Variants in TCERG1L observed in about 807,000 individuals in gnomAD.
The protein encoded by TCERG1L is transcription elongation regulator 1-like protein.
In TCERG1L, 37 loss-of-function variants were observed where a neutral mutation model predicts 56.3. The ratio of observed to expected loss-of-function variants is 0.66; its 90% CI spans 0.51 to 0.87. The LOEUF is 0.87. Ranked by LOEUF, TCERG1L falls within the 40% of genes least tolerant of loss-of-function variation. The pLI is 0.00. For missense variants in TCERG1L, 799 were observed against 774.2 expected (o/e 1.03, Z -0.38); for synonymous variants, 324 against 326.3 (o/e 0.99, Z 0.08).
chr10:131,157,662 C>T (rs1393414103), intron 6 of TCERG1L, among the ~76,000 whole-genome samples: 2 of 151,966 alleles, frequency 1.3e-5, no homozygotes, highest in East Asian at 3.9e-4. Context: ...TGTTAACATG[C>T]CTAAAAGTTT....
At chr10:131,224,795 G>C (rs1186414866) in intron 4 of TCERG1L, among the ~76,000 whole-genome samples, 1 of 148,586 alleles carries the variant, frequency 6.7e-6, no homozygotes, top group African/African-American at 2.5e-5. Flanking sequence ...GGAAAACACT[G>C]ACAATCTGTG....
intron 3 of TCERG1L, among the ~76,000 whole-genome samples, chr10:131,297,429 T>C (rs1272954277): frequency 2.0e-5 from 3 of 152,248 alleles, no homozygotes; most frequent in African/African-American, 7.2e-5. Flanking sequence ...AAAAACTCTC[T>C]TGGTCAAATA....
chr10:131,096,209 G>A (rs1845245063), intron 11 of TCERG1L, among the ~76,000 whole-genome samples: 1 of 152,210 alleles, frequency 6.6e-6, no homozygotes, highest in Non-Finnish European at 1.5e-5. Context: ...AGGAGAAGAT[G>A]GGCCAGGGCC....
At chr10:131,163,716 C>T (rs1431577839) in intron 5 of TCERG1L, among the ~76,000 whole-genome samples, 1 of 152,186 alleles carries the variant, frequency 6.6e-6, no homozygotes, top group Non-Finnish European at 1.5e-5. Context: ...TCTAGTTCCT[C>T]CCCAGGCTCC....
At chr10:131,133,730 G>A (rs1564798297) in intron 8 of TCERG1L, among the ~76,000 whole-genome samples, 1 of 152,136 alleles carries the variant, frequency 6.6e-6, no homozygotes, top group Non-Finnish European at 1.5e-5. Flanking sequence ...ACACAGGAGG[G>A]GTTAAAGGGC....
chr10:131,128,660 C>A (rs903275698), intron 8 of TCERG1L, among the ~76,000 whole-genome samples: 1 of 152,110 alleles, frequency 6.6e-6, no homozygotes, highest in East Asian at 1.9e-4. Context: ...TTAAACGATA[C>A]CTTGAGGGAG....
At chr10:131,098,655 C>T (rs1845273817) in intron 10 of TCERG1L, among the ~76,000 whole-genome samples, 1 of 152,188 alleles carries the variant, frequency 6.6e-6, no homozygotes, top group Non-Finnish European at 1.5e-5. Flanking sequence ...TACATGCAGG[C>T]GCCATTTCTG....
At chr10:131,209,295 A>G (rs1021958208) in intron 4 of TCERG1L, among the ~76,000 whole-genome samples, 1 of 152,176 alleles carries the variant, frequency 6.6e-6, no homozygotes, top group African/African-American at 2.4e-5. Context: ...GGTGGAAAGC[A>G]TTCTTTCTCA....
chr10:131,287,454 T>C (rs1846558227), intron 3 of TCERG1L, among the ~76,000 whole-genome samples: 1 of 152,222 alleles, frequency 6.6e-6, no homozygotes. Flanking sequence ...ATTATGTTGG[T>C]AAATACAAAT....
chr10:131,292,588 A>G (rs1482703581), intron 3 of TCERG1L, among the ~76,000 whole-genome samples: 3 of 152,330 alleles, frequency 2.0e-5, no homozygotes, highest in Non-Finnish European at 4.4e-5. Context: ...TTTGGAAACA[A>G]GCTTTCTATC....
At chr10:131,244,540 G>C (rs1449864751) in intron 4 of TCERG1L, among the ~76,000 whole-genome samples, 1 of 152,168 alleles carries the variant, frequency 6.6e-6, no homozygotes, top group Non-Finnish European at 1.5e-5. Flanking sequence ...CATGGTTGAG[G>C]TGGAGGGGAC....
chr10:131,248,782 C>G (rs1554896597), intron 4 of TCERG1L, among the ~76,000 whole-genome samples: 1 of 152,208 alleles, frequency 6.6e-6, no homozygotes, highest in Non-Finnish European at 1.5e-5. Context: ...AGAGCTGAGC[C>G]CCAGTGCCAT....
chr10:131,152,051 G>A lies in TCERG1L; in HGVS notation c.1035-5391C>T, dbSNP rs147462189. On this transcript the variant is annotated intron_variant, in intron 6 of 11. Coordinates refer to ENST00000368642, the MANE Select transcript of TCERG1L (RefSeq NM_174937.4). ...GTGACCCTCCTAGCCCTCCAGGCCT[G>A]TAATGGCAGGAGTTACCATGAAGCT... is the stretch of plus-strand genomic sequence containing the variant. Among the ~76,000 whole-genome samples the A allele has an allele frequency of 2.6e-5, 4 of 152,322 alleles. No individual in the cohort carries two copies. The East Asian group carries it at 7.7e-4, about 29-fold the overall frequency.
intron 3 of TCERG1L, among the ~76,000 whole-genome samples, chr10:131,276,336 C>T (rs1846393144): frequency 6.6e-6 from 1 of 152,206 alleles, no homozygotes. Context: ...AACCAGCAGC[C>T]CAAGGCTTCA....
At chr10:131,268,424 A>C (rs1846307421) in intron 3 of TCERG1L, among the ~76,000 whole-genome samples, 1 of 152,196 alleles carries the variant, frequency 6.6e-6, no homozygotes, top group African/African-American at 2.4e-5. Context: ...TGAGGGCCTT[A>C]GGATTTTTTG....
intron 4 of TCERG1L, among the ~76,000 whole-genome samples, chr10:131,181,815 C>A (rs1845179445): frequency 6.6e-6 from 1 of 152,252 alleles, no homozygotes; most frequent in South Asian, 2.1e-4. Context: ...ATTCCAAAAA[C>A]TCGTGGTAGC....
chr10:131,096,027 G>A (rs1845241384), intron 11 of TCERG1L, among the ~76,000 whole-genome samples: 1 of 152,242 alleles, frequency 6.6e-6, no homozygotes, highest in Non-Finnish European at 1.5e-5. Context: ...CTCAATAGCA[G>A]TAATGACAGC....
At chr10:131,232,668 C>T (rs1319908356) in intron 4 of TCERG1L, among the ~76,000 whole-genome samples, 13 of 152,186 alleles carry the variant, frequency 8.5e-5, no homozygotes, top group East Asian at 3.8e-4. Flanking sequence ...TCCAACAGTG[C>T]GGACAGCTCA....
chr10:131,297,064 T>G (rs1326650553), intron 3 of TCERG1L, among the ~76,000 whole-genome samples: 1 of 152,192 alleles, frequency 6.6e-6, no homozygotes, highest in Non-Finnish European at 1.5e-5. Context: ...AGTTTGTATG[T>G]TTTTCTTTTC....
Sources: gnomAD v4.1 joint callset for allele counts (sites outside exome capture counted in the v4.1 genomes callset) on GRCh38, gnomAD v4.1.1 for gene constraint, MANE v1.5 for transcripts, NCBI Gene and HGNC (gene_info 2026-07-23, HGNC 2026-07-21) for gene names.